The following PTPRN2 variants were observed in gnomAD, a reference collection of about 807,000 sequenced individuals.
PTPRN2 encodes receptor-type tyrosine-protein phosphatase N2.
Under a neutral mutation model 118.8 loss-of-function variants are expected in PTPRN2, and 74 were observed. That is an observed-to-expected ratio of 0.62 (90% CI 0.52 to 0.76). The LOEUF is 0.76. PTPRN2 is among the 30% of genes least tolerant of loss of function. The probability of loss-of-function intolerance (pLI) is 0.00; values close to 1 mark genes in which losing one functional copy is unlikely to be tolerated. For missense variants in PTPRN2, 1,481 were observed against 1,394.4 expected (o/e 1.06, Z -0.99); for synonymous variants, 641 against 608.0 (o/e 1.05, Z -0.80).
chr7:157,932,346 C>T (rs541658261), intron 11 of PTPRN2, among the ~76,000 whole-genome samples: 60 of 152,216 alleles, frequency 3.9e-4, no homozygotes, highest in Middle Eastern at 3.4e-3. Flanking sequence ...CCCTGCATAC[C>T]GACGTCATGT....
intron 9 of PTPRN2, among the ~76,000 whole-genome samples, chr7:158,126,587 G>A (rs1452064153): frequency 1.8e-4 from 13 of 74,012 alleles, no homozygotes; most frequent in Admixed American, 4.8e-4. Context: ...CCAGGACAGC[G>A]GGCGGCGGAA....
rs10228037 is a variant in PTPRN2 at position 157,874,839 on chromosome 7, A to G, written c.1788+23834T>C. On this transcript the variant is annotated intron_variant, in intron 12 of 22. Transcript: ENST00000389418. The surrounding 1 kb of genome is among the most constrained non-coding windows in gnomAD (Gnocchi z 5.8). ...CATGGACACACACAGAGACACACTCATGCACATATACACACGGAGACACAC... is the reference window on the plus strand; with the variant it reads ...CATGGACACACACAGAGACACACTCGTGCACATATACACACGGAGACACAC... 0.03 allele frequency among the ~76,000 whole-genome samples: 4,406 copies of G among 147,242 alleles called. 184 individuals are homozygous for G. The highest frequency in any genetic ancestry group is 0.13 in the East Asian group (648 of 4,918).
chr7:157,574,322 C>G (rs778169405), intron 19 of PTPRN2: 5 of 511,586 alleles, frequency 9.8e-6, no homozygotes, highest in Non-Finnish European at 1.2e-5. Context: ...TCCACATCGC[C>G]CCTGCAGTAC....
intron 5 of PTPRN2, among the ~76,000 whole-genome samples, chr7:158,171,316 T>TACAC (rs1464576505): frequency 1.1e-5 from 1 of 92,074 alleles, no homozygotes; most frequent in South Asian, 3.0e-4. Flanking sequence ...CACATATATA[T>TACAC]ATATATATAT....
Position 157,986,273 on chromosome 7 carries a change from C to T in PTPRN2, c.1724-87536G>A, listed in dbSNP as rs573152437. On this transcript the variant is annotated intron_variant, in intron 11 of 22. Coordinates refer to ENST00000389418, the MANE Select transcript of PTPRN2 (RefSeq NM_002847.5). This position sits in a 1 kb window ranked among gnomAD's most constrained non-coding sequence, Gnocchi z 4.5. ...GATGTGAGGCAACGTGAAGGCTCCA[C>T]CACTAGGACCCAGGCAAGACTGCCA... Among the ~76,000 whole-genome samples, 36 of 152,344 alleles carry T rather than the reference C, an allele frequency of 2.4e-4. No homozygotes were observed. Among genetic ancestry groups the T allele is most frequent in the Middle Eastern group, 3.4e-3 (1 of 294 alleles).
rs1798629478 is a variant in PTPRN2, at chr7:157,711,718, G to GGT, written c.1789-28783_1789-28782dup. Among the ~76,000 whole-genome samples the GGT allele has an allele frequency of 4.6e-5, 7 of 152,266 alleles. No homozygotes were observed. The South Asian group carries it at 1.2e-3, about 27-fold the overall frequency. ...AAGCTGGCTGCATCCCTGGGACCCT[G>GGT]GTCTCCGTCACTGGGACGCAGCAGT... On this transcript the variant is annotated intron_variant, in intron 12 of 22. Transcript: ENST00000389418.
chr7:157,639,452 T>C (rs73163834), intron 14 of PTPRN2, among the ~76,000 whole-genome samples: 4 of 152,360 alleles, frequency 2.6e-5, no homozygotes, highest in Non-Finnish European at 4.4e-5. Flanking sequence ...TTGCATGGCA[T>C]GTGTGTTTCC....
rs78896394 is a variant in PTPRN2, at chr7:158,150,671, G to T, written c.911-12156C>A. 3.5e-4 allele frequency among the ~76,000 whole-genome samples: 53 copies of T among 152,118 alleles called. No homozygotes were observed. The East Asian group carries it at 8.5e-3, about 24-fold the overall frequency. On this transcript the variant is annotated intron_variant, in intron 6 of 22. Coordinates refer to ENST00000389418, the MANE Select transcript of PTPRN2 (RefSeq NM_002847.5). ...ACCCTTGTGAACATAACCCAGGGGG[G>T]TCACTGAGGTGAGATCTGTCATGCA... is the stretch of plus-strand genomic sequence containing the variant.
rs1358915147 is a variant in PTPRN2 at position 157,764,388 on chromosome 7, TACTC to T, written c.1789-81455_1789-81452del. On this transcript the variant is annotated intron_variant, in intron 12 of 22. Coordinates refer to ENST00000389418, the MANE Select transcript of PTPRN2 (RefSeq NM_002847.5). The surrounding 1 kb of genome is among the most constrained non-coding windows in gnomAD (Gnocchi z 4.5). ...GTGGTCCACCCACACATGGGAATAT[TACTC>T]AGCACTGAAAAGGCAGAGATTTTGG... Among the ~76,000 whole-genome samples, 1 of 152,212 alleles carries T rather than the reference TACTC, an allele frequency of 6.6e-6. No individual in the cohort carries two copies. Among genetic ancestry groups the T allele is most frequent in the African/African-American group, 2.4e-5 (1 of 41,440 alleles).
intron 2 of PTPRN2, among the ~76,000 whole-genome samples, chr7:158,484,240 A>G (rs1189632344): frequency 6.6e-6 from 1 of 152,126 alleles, no homozygotes; most frequent in Non-Finnish European, 1.5e-5. Flanking sequence ...AGTACCACCA[A>G]AGGGAACCTG....
Position 158,003,187 on chromosome 7 carries a change from G to T in PTPRN2, c.1723+78111C>A, listed in dbSNP as rs1805397127. On this transcript the variant is annotated intron_variant, in intron 11 of 22. Transcript: ENST00000389418. The surrounding 1 kb of genome is among the most constrained non-coding windows in gnomAD (Gnocchi z 5.0). ...CCCAGCACTTTGGGAGGCCGAGACG[G>T]GCGGATCACGAGGTCAGGAGATCGA... Among the ~76,000 whole-genome samples the T allele has an allele frequency of 6.6e-6, 1 of 152,014 alleles. No homozygotes were observed. Among genetic ancestry groups the T allele is most frequent in the African/African-American group, 2.4e-5 (1 of 41,394 alleles).
At chr7:157,966,889 C>T (rs776958003) in intron 11 of PTPRN2, among the ~76,000 whole-genome samples, 3 of 152,232 alleles carry the variant, frequency 2.0e-5, no homozygotes, top group Non-Finnish European at 2.9e-5. Context: ...TCACCATCAT[C>T]ATCACCATCA....
intron 11 of PTPRN2, among the ~76,000 whole-genome samples, chr7:157,954,161 CTGTGTGTG>C (rs1801013711): frequency 7.7e-6 from 1 of 130,260 alleles, no homozygotes; most frequent in African/African-American, 2.8e-5. Context: ...TGCCTGTGTA[CTGTGTGTG>C]CTGTGTGGTG....
At chr7:158,073,270 C>T (rs904582383) in intron 11 of PTPRN2, among the ~76,000 whole-genome samples, 4 of 152,242 alleles carry the variant, frequency 2.6e-5, no homozygotes, top group Non-Finnish European at 5.9e-5. Flanking sequence ...TGGCAGACAT[C>T]GGCCTCCCCT....
At chr7:157,682,077 G>A (rs1425879688) in intron 13 of PTPRN2, among the ~76,000 whole-genome samples, 1 of 152,176 alleles carries the variant, frequency 6.6e-6, no homozygotes, top group Non-Finnish European at 1.5e-5. Context: ...TACTAAATAC[G>A]AAATGTGCGC....
At chr7:158,071,577 G>A (rs1296149332) in intron 11 of PTPRN2, among the ~76,000 whole-genome samples, 9 of 13,860 alleles carry the variant, frequency 6.5e-4, no homozygotes, top group Non-Finnish European at 9.9e-4. Context: ...CCTGGTGGAG[G>A]TGCTCCTGGT....
intron 2 of PTPRN2, among the ~76,000 whole-genome samples, chr7:158,333,382 T>C (rs1804891450): frequency 7.3e-6 from 1 of 137,468 alleles, no homozygotes; most frequent in Non-Finnish European, 1.6e-5. Flanking sequence ...ACTCGCACCA[T>C]AAGAGGTGAC....
At chr7:158,331,600 C>G (rs1358119311) in intron 2 of PTPRN2, among the ~76,000 whole-genome samples, 1 of 140,564 alleles carries the variant, frequency 7.1e-6, no homozygotes, top group Non-Finnish European at 1.5e-5. Flanking sequence ...GAGCTGAGGA[C>G]CACAGAGGTC....
At chr7:157,604,752 G>A (rs1158299530) in intron 15 of PTPRN2, among the ~76,000 whole-genome samples, 1 of 152,272 alleles carries the variant, frequency 6.6e-6, no homozygotes, top group Non-Finnish European at 1.5e-5. Context: ...GACAGACAGA[G>A]TAACCTGACG....
Sources: gnomAD v4.1 joint callset for allele counts (sites outside exome capture counted in the v4.1 genomes callset) on GRCh38, gnomAD v4.1.1 for gene constraint, Gnocchi (gnomAD v3.1) non-coding constraint, MANE v1.5 for transcripts, NCBI Gene and HGNC (gene_info 2026-07-23, HGNC 2026-07-21) for gene names.